Variants in RFX7 observed in about 807,000 individuals in gnomAD.
The protein encoded by RFX7 is DNA-binding protein RFX7.
A neutral mutation model predicts 111.8 loss-of-function variants in RFX7; 26 were observed. The ratio of observed to expected loss-of-function variants is 0.23; its 90% CI spans 0.17 to 0.32. The LOEUF is 0.32. Ranked by LOEUF, RFX7 falls within the 10% of genes least tolerant of loss-of-function variation. The pLI is 1.00. For missense variants in RFX7, 1,573 were observed against 1,772.9 expected, an observed-to-expected ratio of 0.89 and a Z score of 2.02; for synonymous variants, 624 against 624.4, an observed-to-expected ratio of 1.00 and a Z score of 0.01.
chr15:56,178,511 G>C (rs1195883677), intron 3 of RFX7, among the ~76,000 whole-genome samples: 4 of 152,102 alleles, frequency 2.6e-5, no homozygotes, highest in Non-Finnish European at 4.4e-5. Flanking sequence ...CAAGTCACAA[G>C]TGGGGAAAGA....
chr15:56,089,849 C>A lies in RFX7; in HGVS notation c.*3496G>T, dbSNP rs1354477283. The A allele has an allele frequency of 6.6e-6, 1 of 152,162 alleles. No individual in the cohort carries two copies. The highest frequency in any genetic ancestry group is 2.4e-5 in the African/African-American group (1 of 41,422). The allele number at this position is 152,162 out of a possible 1,614,324, so 9.4% of individuals were successfully genotyped here. ...TAATTGCTTCTACCACCTGTTCAAA[C>A]TGAGGGCTCCAGATCTATGGTGATA... On this transcript the variant is annotated 3_prime_UTR_variant, in exon 10 of 10. Coordinates refer to ENST00000559447, the MANE Select transcript of RFX7 (RefSeq NM_022841.7).
intron 2 of RFX7, among the ~76,000 whole-genome samples, chr15:56,203,774 T>C (rs1159908520): frequency 6.6e-6 from 1 of 152,108 alleles, no homozygotes; most frequent in Non-Finnish European, 1.5e-5. Flanking sequence ...CCCTATATGG[T>C]CTAAAAAGGG....
chr15:56,124,292 G>T (rs2042114394), intron 5 of RFX7, among the ~76,000 whole-genome samples: 1 of 151,988 alleles, frequency 6.6e-6, no homozygotes, highest in African/African-American at 2.4e-5. Context: ...CATGGTGACG[G>T]GCACCTGTAG....
At chr15:56,102,030 G>T in intron 7 of RFX7, 139 bp downstream of exon 7, 1 of 641,944 alleles carries the variant, frequency 1.6e-6, no homozygotes, top group Non-Finnish European at 2.7e-6. Context: ...ACATTTTTCA[G>T]CCACTGTGTG....
chr15:56,131,271 CTTTTTTTTT>C (rs140251962), intron 5 of RFX7, among the ~76,000 whole-genome samples: 2 of 74,052 alleles, frequency 2.7e-5, no homozygotes, highest in Admixed American at 1.6e-4. Flanking sequence ...TATTAGGTAT[CTTTTTTTTT>C]TTTTTTTTTT....
At chr15:56,194,285 A>G (rs1286222745) in intron 2 of RFX7, among the ~76,000 whole-genome samples, 6 of 152,092 alleles carry the variant, frequency 3.9e-5, no homozygotes, top group African/African-American at 1.4e-4. Flanking sequence ...TATATACTTG[A>G]TTCAAATTTC....
intron 8 of RFX7, among the ~76,000 whole-genome samples, chr15:56,100,336 T>C (rs1243133931): frequency 1.3e-5 from 2 of 152,228 alleles, no homozygotes; most frequent in Admixed American, 6.5e-5. Context: ...ACTTAGGTCA[T>C]ACAGTTTACA....
intron 3 of RFX7, among the ~76,000 whole-genome samples, chr15:56,165,159 G>A (rs2042768699): frequency 6.6e-6 from 1 of 152,186 alleles, no homozygotes; most frequent in Non-Finnish European, 1.5e-5. Flanking sequence ...TCTGACAGGA[G>A]GCGGAGCTCA....
chr15:56,095,771 T>A lies in RFX7; in HGVS notation c.1957A>T (p.Thr653Ser), dbSNP rs756871750. Residue 653 changes from threonine to serine, a missense_variant, in exon 10 of 10, where the codon ACT becomes TCT. Around this residue, in one of 7 missense-constraint regions of RFX7, gnomAD observed 625 missense variants for 632.2 expected, o/e 0.99. Coordinates refer to ENST00000559447, the MANE Select transcript of RFX7 (RefSeq NM_022841.7). ...DSINKDPKLC[T>S]KSPRKRLSST... ...GACAGTCGTTTTCTTGGGCTTTTAG[T>A]GCATAATTTAGGGTCTTTATTGATT... The A allele has an allele frequency of 6.2e-7, 1 of 1,613,874 alleles. No individual in the cohort carries two copies. The highest frequency in any genetic ancestry group is 8.5e-7 in the Non-Finnish European group (1 of 1,179,882).
At chr15:56,153,845 T>C (rs2141058528) in intron 3 of RFX7, among the ~76,000 whole-genome samples, 1 of 152,266 alleles carries the variant, frequency 6.6e-6, no homozygotes, top group African/African-American at 2.4e-5. Flanking sequence ...AGAGAGGAAG[T>C]CAAATTGTCT....
At chr15:56,199,309 A>G (rs1469630467) in intron 2 of RFX7, among the ~76,000 whole-genome samples, 3 of 152,074 alleles carry the variant, frequency 2.0e-5, no homozygotes, top group Non-Finnish European at 4.4e-5. Context: ...CTAATGAGTT[A>G]TTTTCCTTTT....
At chr15:56,189,600 CA>C (rs1303896568) in intron 2 of RFX7, among the ~76,000 whole-genome samples, 2 of 152,144 alleles carry the variant, frequency 1.3e-5, no homozygotes, top group African/African-American at 4.8e-5. Flanking sequence ...AGATATTTCA[CA>C]AAAAAGGTAC....
chr15:56,208,687 G>A (rs1402626549), intron 2 of RFX7, among the ~76,000 whole-genome samples: 1 of 152,018 alleles, frequency 6.6e-6, no homozygotes, highest in African/African-American at 2.4e-5. Context: ...GAACAGATGG[G>A]CAATATAAAT....
At chr15:56,140,078 T>C (rs1470400284) in intron 5 of RFX7, among the ~76,000 whole-genome samples, 9 of 152,124 alleles carry the variant, frequency 5.9e-5, no homozygotes, top group East Asian at 1.9e-4. Flanking sequence ...TGTTTGTCTG[T>C]GCCCTGCCCC....
chr15:56,163,532 A>T (rs2042749219), intron 3 of RFX7, among the ~76,000 whole-genome samples: 1 of 152,178 alleles, frequency 6.6e-6, no homozygotes, highest in Admixed American at 6.5e-5. Context: ...ATATTTTAGT[A>T]ACAGGAAGAC....
chr15:56,154,484 A>G (rs1020787338), intron 3 of RFX7, among the ~76,000 whole-genome samples: 1 of 152,232 alleles, frequency 6.6e-6, no homozygotes, highest in Non-Finnish European at 1.5e-5. Context: ...CCGCATATCT[A>G]CAACTATCTG....
intron 3 of RFX7, among the ~76,000 whole-genome samples, chr15:56,146,502 T>C (rs1353278152): frequency 2.0e-5 from 3 of 152,084 alleles, no homozygotes; most frequent in African/African-American, 7.2e-5. Context: ...TGAGAAAGTG[T>C]AATAAAAATA....
chr15:56,166,740 A>C (rs565161872), intron 3 of RFX7, among the ~76,000 whole-genome samples: 90 of 152,138 alleles, frequency 5.9e-4, no homozygotes, highest in African/African-American at 2.1e-3. Flanking sequence ...TCATAAACAT[A>C]CTTGACTATG....
At chr15:56,139,423 C>G (rs1307496846) in intron 5 of RFX7, among the ~76,000 whole-genome samples, 2 of 152,212 alleles carry the variant, frequency 1.3e-5, no homozygotes, top group African/African-American at 4.8e-5. Flanking sequence ...CCTGAGGCTT[C>G]TGCATTCTTC....
Sources: allele counts gnomAD v4.1 joint callset (sites outside exome capture counted in the v4.1 genomes callset), GRCh38; gene constraint gnomAD v4.1.1; regional missense constraint gnomAD v4.1.1; transcripts MANE v1.5; gene names NCBI Gene and HGNC (gene_info 2026-07-23, HGNC 2026-07-21).